ATP2A3: variants seen among roughly 807,000 people sequenced by gnomAD.
ATP2A3 encodes sarcoplasmic/endoplasmic reticulum calcium ATPase 3.
Under a neutral mutation model 106.8 loss-of-function variants are expected in ATP2A3, and 61 were observed. The observed-to-expected ratio is 0.57, with a 90% CI of 0.46 to 0.71. ATP2A3 has a LOEUF of 0.71. Among genes scored for constraint, ATP2A3 ranks in the 30% least tolerant of loss-of-function variants. ATP2A3 has a pLI of 0.00. For missense variants in ATP2A3, 1,201 were observed against 1,423.5 expected, an observed-to-expected ratio of 0.84 and a Z score of 2.52; for synonymous variants, 611 against 609.3, an observed-to-expected ratio of 1.00 and a Z score of -0.04.
intron 14 of ATP2A3, among the ~76,000 whole-genome samples, chr17:3,940,035 T>A (rs1203937040): frequency 1.7e-5 from 2 of 116,656 alleles, no homozygotes; most frequent in South Asian, 2.4e-4. Context: ...TCATATCTTT[T>A]TTTTTTTGTT....
intron 20 of ATP2A3, chr17:3,927,980 C>T (rs138187501): frequency 6.2e-7 from 1 of 1,613,980 alleles, no homozygotes; most frequent in Admixed American, 1.7e-5. Context: ...CCGGAGCTCA[C>T]CCCTGCTTCC....
chr17:3,964,307 G>A lies in ATP2A3; in HGVS notation c.-16C>T, dbSNP rs1413865897. The A allele has an allele frequency of 2.4e-6, 3 of 1,225,676 alleles. No homozygotes were observed. Among genetic ancestry groups the A allele is most frequent in the South Asian group, 3.8e-5 (2 of 53,142 alleles). 75.9% of individuals were successfully genotyped at this position (1,225,676 alleles called of 1,614,324 possible). On this transcript the variant is annotated 5_prime_UTR_variant, in exon 1 of 21. The change creates a new upstream start codon in the 5' untranslated region. Transcript: ENST00000397041. The stretch of plus-strand genomic sequence containing the variant: ...CCGCCTCCATGCCGCCCGCCCGGCC[G>A]TCTGCGCCGTCCGCACCGTCGAGGC...
chr17:3,945,194 C>T (rs1395316773), intron 8 of ATP2A3, 46 bp from the exon 9 acceptor site: 1 of 1,520,852 alleles, frequency 6.6e-7, no homozygotes, highest in South Asian at 1.2e-5. Flanking sequence ...TCGCCTCCCT[C>T]CTCCCCGGGC....
At chr17:3,962,685 C>T (rs535370521) in intron 1 of ATP2A3, among the ~76,000 whole-genome samples, 106 of 151,430 alleles carry the variant, frequency 7.0e-4, no homozygotes, top group African/African-American at 2.3e-3. Flanking sequence ...GTTCCTCCTC[C>T]GCTGGACCAA....
In ATP2A3 at chr17:3,937,565, C is replaced by A. The variant is rs145074847; in HGVS notation, c.2172G>T (p.Thr724=). The change falls in exon 15 of 21, where the codon ACG becomes ACT. Residue 724 remains threonine, a synonymous_variant. Coordinates refer to ENST00000397041, the MANE Select transcript of ATP2A3 (RefSeq NM_005173.4). Reference sequence around the variant, plus strand: ...TCTCTGCCGCCGACTTGGCCACGGCCGTGCCTGAGCCCATGGCGATGCCGA... The same window carrying A: ...TCTCTGCCGCCGACTTGGCCACGGCAGTGCCTGAGCCCATGGCGATGCCGA... ...AEIGIAMGSG[T]AVAKSAAEMV... 1 of 1,614,106 alleles carries A rather than the reference C, an allele frequency of 6.2e-7. No individual in the cohort carries two copies. The highest frequency in any genetic ancestry group is 1.3e-5 in the African/African-American group (1 of 75,046).
Position 3,926,879 on chromosome 17 carries a change from AC to A in ATP2A3, c.2981-1439del, listed in dbSNP as rs1479835961. Reference sequence around the variant, plus strand: ...CCACTGCACCCGGCCCGTTAGTCTCACCCCCTCTTGCCTGTCCTCCATGGTT... The same window carrying A: ...CCACTGCACCCGGCCCGTTAGTCTCACCCCTCTTGCCTGTCCTCCATGGTT... On this transcript the variant is annotated intron_variant, in intron 20 of 20. Transcript: ENST00000397041. The surrounding 1 kb of genome is among the most constrained non-coding windows in gnomAD (Gnocchi z 4.6). The A allele has an allele frequency of 1.0e-6, 1 of 984,852 alleles. No homozygotes were observed. Among genetic ancestry groups the A allele is most frequent in the Non-Finnish European group, 1.2e-6 (1 of 829,836 alleles). The allele number at this position is 984,852 out of a possible 1,614,324, so 61.0% of individuals were successfully genotyped here.
Position 3,928,888 on chromosome 17 carries a change from G to A in ATP2A3, c.2863-108C>T, listed in dbSNP as rs9747965. 222,195 of 808,942 alleles carry A rather than the reference G, an allele frequency of 0.27. 33,559 individuals carry two copies. Among genetic ancestry groups the A allele is most frequent in the East Asian group, 0.52 (19,449 of 37,094 alleles). 50.1% of individuals were successfully genotyped at this position (808,942 alleles called of 1,614,324 possible). ...GGGCTCTGATGGACTCTTCATGAGC[G>A]CTCCTAAGAACCCCCTGGATGCACC... On this transcript the variant is annotated intron_variant, in intron 19 of 20. Transcript: ENST00000397041. The surrounding 1 kb of genome is among the most constrained non-coding windows in gnomAD (Gnocchi z 6.1).
chr17:3,940,043 G>GTTTTTTTTTTTT (rs1294599615), intron 14 of ATP2A3, among the ~76,000 whole-genome samples: 4 of 87,616 alleles, frequency 4.6e-5, no homozygotes, highest in African/African-American at 5.7e-5. Context: ...TTTTTTTTTT[G>GTTTTTTTTTTTT]TTTTTTGTTT....
intron 20 of ATP2A3, chr17:3,927,925 G>A: frequency 6.2e-7 from 1 of 1,609,320 alleles, no homozygotes; most frequent in Non-Finnish European, 8.5e-7. Flanking sequence ...CCCCTGCACA[G>A]CAGTCCAGCC....
Position 3,947,629 on chromosome 17 carries a change from C to A in ATP2A3, c.857G>T (p.Gly286Val), listed in dbSNP as rs2144592532. ...GTAGACAGCGCCACGCAGCCAGGAG[C>A]CACCGTGGGCCGGGTCGGCGAAGTG... is the stretch of plus-strand genomic sequence containing the variant. ...IGHFADPAHG[G>V]SWLRGAVYYF... The change falls in exon 8 of 21, where the codon GGC (glycine) becomes GTC (valine). Residue 286 changes from glycine to valine, a missense_variant. Transcript: ENST00000397041. This position sits in a 1 kb window ranked among gnomAD's most constrained non-coding sequence, Gnocchi z 7.7. The A allele has an allele frequency of 6.2e-7, 1 of 1,612,422 alleles. No individual in the cohort carries two copies.
At chr17:3,963,337 G>A (rs2055243491) in intron 1 of ATP2A3, among the ~76,000 whole-genome samples, 1 of 152,260 alleles carries the variant, frequency 6.6e-6, no homozygotes, top group Non-Finnish European at 1.5e-5. Flanking sequence ...GGGGTGGCAG[G>A]TCCTGCCTGG....
rs553993102 is a variant in ATP2A3 at position 3,931,734 on chromosome 17, G to C, written c.2611-1300C>G. Among the ~76,000 whole-genome samples, 38 of 152,186 alleles carry C rather than the reference G, an allele frequency of 2.5e-4. 1 individual carries two copies. Among genetic ancestry groups the C allele is most frequent in the Non-Finnish European group, 3.7e-4 (25 of 68,008 alleles). ...GACGGGGTTTCACCGTGTTAGCCAG[G>C]ATGGTCTAGAACTCCTGACCTCGTG... On this transcript the variant is annotated intron_variant, in intron 17 of 20. Coordinates refer to ENST00000397041, the MANE Select transcript of ATP2A3 (RefSeq NM_005173.4).
rs748890533 is a variant in ATP2A3, at chr17:3,947,588, C to T, written c.898G>A (p.Val300Met). 86 of 1,612,610 alleles carry T rather than the reference C, an allele frequency of 5.3e-5. No homozygotes were observed. The highest frequency in any genetic ancestry group is 6.8e-5 in the Non-Finnish European group (80 of 1,179,920). The change falls in exon 8 of 21, where the codon GTG (valine) becomes ATG (methionine). Residue 300 changes from valine to methionine, a missense_variant. By Grantham distance (21) the Val-to-Met change is conservative (BLOSUM62 1). Coordinates refer to ENST00000397041, the MANE Select transcript of ATP2A3 (RefSeq NM_005173.4). This position sits in a 1 kb window ranked among gnomAD's most constrained non-coding sequence, Gnocchi z 7.7. Reference protein sequence around the residue: ...RGAVYYFKIAVALAVAAIPEG... With the variant: ...RGAVYYFKIAMALAVAAIPEG... Reference sequence around the variant, plus strand: ...GGGATGGCCGCCACCGCCAGGGCCACGGCGATCTTGAAGTAGTAGACAGCG... The same window carrying T: ...GGGATGGCCGCCACCGCCAGGGCCATGGCGATCTTGAAGTAGTAGACAGCG...
Position 3,945,097 on chromosome 17 carries a change from T to G in ATP2A3, c.1147A>C (p.Thr383Pro). ...DAGSCLLHEF[T>P]ISGTTYTPEG... ...GGGGTATACGTGGTACCCGAGATGG[T>G]GAACTCGTGCAAAAGGCAGGAGCCC... Residue 383 changes from threonine to proline, a missense_variant, in exon 9 of 21, where the codon ACC becomes CCC. Coordinates refer to ENST00000397041, the MANE Select transcript of ATP2A3 (RefSeq NM_005173.4). The G allele has an allele frequency of 6.5e-7, 1 of 1,547,928 alleles. No individual in the cohort carries two copies. The highest frequency in any genetic ancestry group is 1.4e-5 in the African/African-American group (1 of 72,982).
In ATP2A3 at chr17:3,945,361, T is replaced by C; in HGVS notation, c.1096-213A>G. 6.1e-6 allele frequency: 3 copies of C among 493,444 alleles called. 1 individual carries two copies. The highest frequency in any genetic ancestry group is 1.1e-5 in the Non-Finnish European group (3 of 273,376). 30.6% of individuals were successfully genotyped at this position (493,444 alleles called of 1,614,324 possible). A position where few individuals can be genotyped will look rare whatever the true frequency, so the allele number is the denominator to read the frequency against. ...GCCAGATGTGTCCGGCTCCGGTTTG[T>C]CCCAATGTCCTGGACTTCTGAGGGA... On this transcript the variant is annotated intron_variant, in intron 8 of 20. Transcript: ENST00000397041.
chr17:3,927,833 G>A, intron 20 of ATP2A3: 1 of 1,536,018 alleles, frequency 6.5e-7, no homozygotes, highest in Non-Finnish European at 8.7e-7. Context: ...CCACTCCCCT[G>A]GGGCACATTC....
At chr17:3,934,549 A>G (rs1597587540) in intron 17 of ATP2A3, among the ~76,000 whole-genome samples, 4 of 103,664 alleles carry the variant, frequency 3.9e-5, no homozygotes, top group Admixed American at 1.2e-4. Flanking sequence ...CTTGAGATGG[A>G]GTCTTGCTCT....
At position 3,953,234 on chromosome 17, in the gene ATP2A3, G is replaced by C; in HGVS notation, c.219+113C>G. ...CAGGGCCAGGGAAGGCCAGGGCGCA[G>C]GCCCAGGGTGTGGAGGACAGGCCCA... On this transcript the variant is annotated intron_variant, in intron 3 of 20. Coordinates refer to ENST00000397041, the MANE Select transcript of ATP2A3 (RefSeq NM_005173.4). The surrounding 1 kb of genome is among the most constrained non-coding windows in gnomAD (Gnocchi z 5.1). 1 of 1,234,056 alleles carries C rather than the reference G, an allele frequency of 8.1e-7. No homozygotes were observed. Among genetic ancestry groups the C allele is most frequent in the African/African-American group, 1.5e-5 (1 of 67,436 alleles). 76.4% of individuals were successfully genotyped at this position (1,234,056 alleles called of 1,614,324 possible).
In ATP2A3 at chr17:3,929,624, C is replaced by T. The variant is rs1425630743; in HGVS notation, c.2745-179G>A. 6.6e-6 allele frequency among the ~76,000 whole-genome samples: 1 copy of T among 152,156 alleles called. No individual in the cohort carries two copies. On this transcript the variant is annotated intron_variant, in intron 18 of 20. Transcript: ENST00000397041. The surrounding 1 kb of genome is among the most constrained non-coding windows in gnomAD (Gnocchi z 4.3). ...TCTGCCCCTCAGACCTAATCTTGGC[C>T]GATTTCTTTGGACCCCAGTTTCAGC... is the stretch of plus-strand genomic sequence containing the variant.
Sources: gnomAD v4.1 joint callset for allele counts (sites outside exome capture counted in the v4.1 genomes callset) on GRCh38, gnomAD v4.1.1 for gene constraint, Gnocchi (gnomAD v3.1) non-coding constraint, MANE v1.5 for transcripts, NCBI Gene and HGNC (gene_info 2026-07-23, HGNC 2026-07-21) for gene names.